Variants in ANK1 observed in about 807,000 individuals in gnomAD.
The protein encoded by ANK1 is ankyrin 1, also known as ankyrin-1.
Under a neutral mutation model 210.4 loss-of-function variants are expected in ANK1, and 51 were observed. The observed-to-expected ratio is 0.24, with a 90% CI of 0.19 to 0.31. The LOEUF (loss-of-function observed/expected upper bound fraction) is 0.31. ANK1 is among the 10% of genes least tolerant of loss of function. ANK1 has a pLI of 1.00. For synonymous variants in ANK1, 967 were observed against 1,025.9 expected (o/e 0.94, Z 1.10); for missense variants, 2,051 against 2,504.4 (o/e 0.82, Z 3.86).
Position 41,694,632 on chromosome 8 carries a change from G to C in ANK1, c.3287C>G (p.Pro1096Arg). 1 of 1,614,032 alleles carries C rather than the reference G, an allele frequency of 6.2e-7. No individual in the cohort carries two copies. Among genetic ancestry groups the C allele is most frequent in the Non-Finnish European group, 8.5e-7 (1 of 1,180,008 alleles). The change falls in exon 28 of 43, where the codon CCG becomes CGG. Residue 1096 changes from proline (P) to arginine (R), a missense_variant. Transcript: ENST00000289734. This position sits in a 1 kb window ranked among gnomAD's most constrained non-coding sequence, Gnocchi z 5.7. ...KLVPLVQATF[P>R]ENAVTKRVKL... ...CACTCTCTTGGTGACGGCATTCTCCGGGAACGTTGCCTGTACCAGGGGCAC... is the reference window on the plus strand; with the variant it reads ...CACTCTCTTGGTGACGGCATTCTCCCGGAACGTTGCCTGTACCAGGGGCAC...
intron 1 of ANK1, among the ~76,000 whole-genome samples, chr8:41,875,551 A>T (rs1816392731): frequency 6.6e-6 from 1 of 152,144 alleles, no homozygotes. Flanking sequence ...CTCCAATACC[A>T]AGGCTCGGCA....
chr8:41,690,780 T>A (rs183270065), intron 31 of ANK1, among the ~76,000 whole-genome samples, 181 bp from the exon 32 acceptor site: 3 of 152,246 alleles, frequency 2.0e-5, no homozygotes, highest in Non-Finnish European at 4.4e-5. Flanking sequence ...TTGTGATCAA[T>A]GAGGCATGCT....
chr8:41,863,387 T>C (rs984115076), intron 1 of ANK1, among the ~76,000 whole-genome samples: 3 of 151,934 alleles, frequency 2.0e-5, no homozygotes, highest in Admixed American at 6.6e-5. Context: ...AAGTGTATTA[T>C]AAGGAAATTC....
intron 1 of ANK1, among the ~76,000 whole-genome samples, chr8:41,822,166 GAAAGAAAGA>G: frequency 1.4e-5 from 2 of 141,982 alleles, no homozygotes; most frequent in Admixed American, 1.4e-4. Flanking sequence ...AAGAAAGAAA[GAAAGAAAGA>G]AAGAAAGAAA....
intron 20 of ANK1, among the ~76,000 whole-genome samples, chr8:41,703,192 A>G (rs1399617254): frequency 1.3e-5 from 2 of 151,760 alleles, no homozygotes; most frequent in Non-Finnish European, 2.9e-5. Context: ...GAACTTCCAC[A>G]TGGTCAGATG....
chr8:41,701,870 C>A (rs1822900963), intron 21 of ANK1, among the ~76,000 whole-genome samples, 182 bp downstream of exon 21: 2 of 152,220 alleles, frequency 1.3e-5, no homozygotes, highest in Admixed American at 1.3e-4. Context: ...CCCTAGTCCT[C>A]GGGCCGCTAG....
intron 1 of ANK1, among the ~76,000 whole-genome samples, chr8:41,847,912 T>C (rs1429137603): frequency 1.3e-5 from 2 of 152,154 alleles, no homozygotes; most frequent in South Asian, 2.1e-4. Flanking sequence ...CTCACACCTA[T>C]AATCCCAGCA....
intron 38 of ANK1, among the ~76,000 whole-genome samples, chr8:41,671,682 C>T (rs952181216): frequency 1.0e-4 from 15 of 150,420 alleles, no homozygotes; most frequent in African/African-American, 3.5e-4. Context: ...AGTGAGCCCT[C>T]CCGGCGCCCC....
chr8:41,710,513 G>A (rs752817687), intron 16 of ANK1, among the ~76,000 whole-genome samples: 17 of 152,206 alleles, frequency 1.1e-4, no homozygotes, highest in Non-Finnish European at 1.5e-4. Context: ...GGGAGGGCCC[G>A]AGATTGTGCA....
At chr8:41,812,428 G>C (rs1231615974) in intron 1 of ANK1, among the ~76,000 whole-genome samples, 4 of 152,246 alleles carry the variant, frequency 2.6e-5, no homozygotes, top group Non-Finnish European at 4.4e-5. Context: ...GGAGGAGGCA[G>C]TGGCCAGCCA....
At chr8:41,822,943 T>C (rs1053915451) in intron 1 of ANK1, among the ~76,000 whole-genome samples, 4 of 152,236 alleles carry the variant, frequency 2.6e-5, no homozygotes, top group Admixed American at 2.6e-4. Context: ...TGCCTCGTTC[T>C]GGGTAGTCGC....
chr8:41,684,807 G>T (rs1817232423), intron 36 of ANK1, 117 bp from the exon 37 acceptor site: 2 of 1,308,360 alleles, frequency 1.5e-6, no homozygotes, highest in African/African-American at 1.5e-5. Context: ...TTCAGAAGGT[G>T]GAGGCACCCT....
intron 10 of ANK1, among the ~76,000 whole-genome samples, chr8:41,718,425 T>C (rs1249794661): frequency 6.6e-6 from 1 of 152,226 alleles, no homozygotes; most frequent in Non-Finnish European, 1.5e-5. Flanking sequence ...GCACTAGATA[T>C]GTTCCTGAAC....
chr8:41,861,223 G>C lies in ANK1; in HGVS notation c.126+35132C>G, dbSNP rs557087363. On this transcript the variant is annotated intron_variant, in intron 1 of 42. Coordinates refer to the ANK1 transcript ENST00000265709. ...AATAAAGCCCTCCATCAAATTCAGG[G>C]GTCGCTGATGAGCATGTTTCCAGCA... Among the ~76,000 whole-genome samples, 223 of 152,288 alleles carry C rather than the reference G, an allele frequency of 1.5e-3. 2 individuals carry two copies. Among genetic ancestry groups the C allele is most frequent in the African/African-American group, 5.3e-3 (219 of 41,548 alleles).
chr8:41,863,133 C>T (rs987329246), intron 1 of ANK1, among the ~76,000 whole-genome samples: 10 of 151,950 alleles, frequency 6.6e-5, no homozygotes, highest in African/African-American at 1.5e-4. Context: ...CGGAGGCAGG[C>T]GGATCACGAG....
intron 1 of ANK1, among the ~76,000 whole-genome samples, chr8:41,890,309 C>T (rs1020558672): frequency 2.0e-5 from 3 of 152,166 alleles, no homozygotes; most frequent in South Asian, 2.1e-4. Flanking sequence ...CCTGGGCAGC[C>T]GACTCCATGC....
At chr8:41,718,024 AGC>A in intron 11 of ANK1, 80 bp downstream of exon 11, 1 of 1,343,154 alleles carries the variant, frequency 7.4e-7, no homozygotes, top group Non-Finnish European at 1.1e-6. Context: ...AGCCATACAA[AGC>A]TACAAAGAGC....
chr8:41,699,305 C>T (rs1822000109), intron 23 of ANK1, 147 bp downstream of exon 23: 5 of 782,020 alleles, frequency 6.4e-6, no homozygotes, highest in Non-Finnish European at 1.1e-5. Context: ...GCAGAGCTAG[C>T]TCATCCTAAG....
At chr8:41,833,970 C>T (rs1466918252) in intron 1 of ANK1, among the ~76,000 whole-genome samples, 2 of 152,208 alleles carry the variant, frequency 1.3e-5, no homozygotes, top group Admixed American at 1.3e-4. Flanking sequence ...GGCAGAGGGC[C>T]CTGCGTGGAT....
Sources: allele counts gnomAD v4.1 joint callset (sites outside exome capture counted in the v4.1 genomes callset), GRCh38; gene constraint gnomAD v4.1.1; non-coding constraint Gnocchi (gnomAD v3.1); transcripts MANE v1.5; gene names NCBI Gene and HGNC (gene_info 2026-07-23, HGNC 2026-07-21).